FLAD1: variants seen among roughly 807,000 people sequenced by gnomAD.
FLAD1 encodes the protein bifunctional FAD diphosphatase/FAD synthase.
A neutral mutation model predicts 55.0 loss-of-function variants in FLAD1; 35 were observed. The observed-to-expected ratio is 0.64, with a 90% CI of 0.49 to 0.84. The LOEUF is 0.84. Ranked by LOEUF, FLAD1 falls within the 40% of genes least tolerant of loss-of-function variation. The pLI is 0.00. For missense variants in FLAD1, 665 were observed against 742.6 expected, an observed-to-expected ratio of 0.90 and a Z score of 1.21; for synonymous variants, 267 against 303.0, an observed-to-expected ratio of 0.88 and a Z score of 1.23.
chr1:154,983,978 G>A lies in FLAD1; in HGVS notation c.284G>A (p.Gly95Asp). 1 of 1,552,862 alleles carries A rather than the reference G, an allele frequency of 6.4e-7. No individual in the cohort carries two copies. Among genetic ancestry groups the A allele is most frequent in the Non-Finnish European group, 8.7e-7 (1 of 1,150,808 alleles). Reference sequence around the variant, plus strand: ...AGGGCCTTGCAGAGGGGCAGAGAAGGCAGGACCATGACATCTAGGGCCTCT... The same window carrying A: ...AGGGCCTTGCAGAGGGGCAGAGAAGACAGGACCATGACATCTAGGGCCTCT... ...YWRALQRGRE[G>D]RTMTSRASEL... The change falls in exon 1 of 7, where the codon GGC becomes GAC. Residue 95 changes from glycine (G) to aspartate (D), a missense_variant. By Grantham distance (94) the Gly-to-Asp change is moderately conservative (BLOSUM62 -1). Transcript: ENST00000292180.
At chr1:154,985,046 T>A (rs1657509511) in intron 1 of FLAD1, among the ~76,000 whole-genome samples, 2 of 139,650 alleles carry the variant, frequency 1.4e-5, no homozygotes, top group African/African-American at 5.4e-5. Context: ...TTTTTTTTTT[T>A]TTTTTTTTTT....
At chr1:154,992,000 G>A (rs909546730) in intron 5 of FLAD1, among the ~76,000 whole-genome samples, 4 of 151,692 alleles carry the variant, frequency 2.6e-5, no homozygotes, top group South Asian at 4.2e-4. Flanking sequence ...AAAATTAGCC[G>A]GCTGTGGTGG....
At position 154,983,798 on chromosome 1, in the gene FLAD1, C is replaced by T. The variant is rs370863079; in HGVS notation, c.104C>T (p.Thr35Met). The T allele has an allele frequency of 1.9e-6, 3 of 1,614,056 alleles. No individual in the cohort carries two copies. Among genetic ancestry groups the T allele is most frequent in the East Asian group, 2.2e-5 (1 of 44,898 alleles). Residue 35 changes from threonine (T) to methionine (M), a missense_variant, in exon 1 of 7, where the codon ACG becomes ATG. Physicochemically the swap from Thr to Met is moderately conservative, Grantham distance 81. Coordinates refer to ENST00000292180, the MANE Select transcript of FLAD1 (RefSeq NM_025207.5). ...ACTAGGGTCTTCCTCGAAGGAAGCA[C>T]GCGCACGCCTGCTCTCCCCCATTGT... is the stretch of plus-strand genomic sequence containing the variant. ...EKTRVFLEGS[T>M]RTPALPHCLF...
At chr1:154,984,370 A>G (rs938503738) in intron 1 of FLAD1, among the ~76,000 whole-genome samples, 2 of 152,082 alleles carry the variant, frequency 1.3e-5, no homozygotes, top group African/African-American at 4.8e-5. Flanking sequence ...CTACACAACA[A>G]TGACAGGAAG....
chr1:154,989,570 G>T lies in FLAD1; in HGVS notation c.1128G>T (p.Leu376Phe). 1 of 1,577,794 alleles carries T rather than the reference G, an allele frequency of 6.3e-7. No homozygotes were observed. Among genetic ancestry groups the T allele is most frequent in the Middle Eastern group, 1.7e-4 (1 of 5,892 alleles). ...CTGCCTGCTTGGCAGGGTCTTCTTT[G>T]GGGAAAAAGGTGGCAGGTGCCCTAC... is the stretch of plus-strand genomic sequence containing the variant. ...VYKLAESGSS[L>F]GKKVAGALQT... The change falls in exon 3 of 7, where the codon TTG (leucine) becomes TTT (phenylalanine). Residue 376 changes from leucine (L) to phenylalanine (F), a missense_variant. By Grantham distance (22) the Leu-to-Phe change is conservative (BLOSUM62 0). Transcript: ENST00000292180.
chr1:154,991,225 A>AAATAT (rs1553254618), intron 5 of FLAD1: 2 of 83,162 alleles, frequency 2.4e-5, no homozygotes, highest in African/African-American at 1.1e-4. Flanking sequence ...AAAAAAAAAA[A>AAATAT]ATATATATAT....
At position 154,990,257 on chromosome 1, in the gene FLAD1, G is replaced by A. The variant is rs769980150; in HGVS notation, c.1364G>A (p.Arg455Lys). 2 of 1,613,862 alleles carry A rather than the reference G, an allele frequency of 1.2e-6. No individual in the cohort carries two copies. Among genetic ancestry groups the A allele is most frequent in the Non-Finnish European group, 1.7e-6 (2 of 1,179,746 alleles). ...CAGTTTCTACAGGACACTATCAAGA[G>A]GTACTAGGGGCCTGGAGGTTTGGGC... ...LEQFLQDTIK[R>K]YNLQMLEAEG... The change falls in exon 4 of 7, where the codon AGG becomes AAG. Residue 455 changes from arginine to lysine, a missense_variant and splice_region_variant. Coordinates refer to ENST00000292180, the MANE Select transcript of FLAD1 (RefSeq NM_025207.5).
chr1:154,987,951 C>G, intron 1 of FLAD1, 154 bp from the exon 2 acceptor site: 2 of 1,509,852 alleles, frequency 1.3e-6, no homozygotes, highest in Non-Finnish European at 1.8e-6. Context: ...TGGATTTTCC[C>G]ACTCTTGTGT....
chr1:154,989,698 C>A lies in FLAD1; in HGVS notation c.1256C>A (p.Ala419Asp). 2 of 1,547,768 alleles carry A rather than the reference C, an allele frequency of 1.3e-6. No homozygotes were observed. The highest frequency in any genetic ancestry group is 1.7e-6 in the Non-Finnish European group (2 of 1,144,612). ...GCCCTCCTGCACCTCTTCCATGCAG[C>A]TGTGCAGAGGTGAGCCTGCCCCCGG... ...CTALLHLFHAAVQRKLPDVPN... is the reference protein window; with the variant it reads ...CTALLHLFHADVQRKLPDVPN... The change falls in exon 3 of 7, where the codon GCT becomes GAT. Residue 419 changes from alanine to aspartate, a missense_variant. Transcript: ENST00000292180.
At position 154,993,032 on chromosome 1, in the gene FLAD1, A is replaced by G; in HGVS notation, c.1759A>G (p.Thr587Ala). ...CGAAGAAGAGGAGCGGAACTCCCGC[A>G]CATGACCTCCCACCCTAGGAGGGAG... ...ENEEEERNSR[T>A] The change falls in exon 7 of 7, where the codon ACA becomes GCA. Residue 587 changes from threonine to alanine, a missense_variant. Physicochemically the swap from Thr to Ala is moderately conservative, Grantham distance 58 (BLOSUM62 0). Coordinates refer to ENST00000292180, the MANE Select transcript of FLAD1 (RefSeq NM_025207.5). 2 of 1,614,010 alleles carry G rather than the reference A, an allele frequency of 1.2e-6. No individual in the cohort carries two copies. Among genetic ancestry groups the G allele is most frequent in the Non-Finnish European group, 1.7e-6 (2 of 1,179,912 alleles).
At position 154,983,924 on chromosome 1, in the gene FLAD1, C is replaced by T. The variant is rs1657443449; in HGVS notation, c.230C>T (p.Pro77Leu). 25 of 1,610,854 alleles carry T rather than the reference C, an allele frequency of 1.6e-5. No homozygotes were observed. Among genetic ancestry groups the T allele is most frequent in the Non-Finnish European group, 2.0e-5 (23 of 1,178,070 alleles). ...VDLAGPPCLR[P>L]LFGGLGGYWR... ...CTGGCAGGCCCCCCGTGCTTGCGAC[C>T]CCTATTTGGGGGTCTGGGTGGCTAC... The change falls in exon 1 of 7, where the codon CCC becomes CTC. Residue 77 changes from proline to leucine, a missense_variant. Physicochemically the swap from Pro to Leu is moderately conservative, Grantham distance 98. Coordinates refer to ENST00000292180, the MANE Select transcript of FLAD1 (RefSeq NM_025207.5).
chr1:154,989,599 C>T lies in FLAD1; in HGVS notation c.1157C>T (p.Thr386Ile), dbSNP rs769162563. ...AAAAAGGTGGCAGGTGCCCTACAGA[C>T]CATTGAGACCTCCCTGGCTCAGTAC... ...LGKKVAGALQTIETSLAQYSL... is the reference protein window; with the variant it reads ...LGKKVAGALQIIETSLAQYSL... The change falls in exon 3 of 7, where the codon ACC becomes ATC. Residue 386 changes from threonine to isoleucine, a missense_variant. Physicochemically the swap from Thr to Ile is moderately conservative, Grantham distance 89 (BLOSUM62 -1). Transcript: ENST00000292180. The T allele has an allele frequency of 5.6e-6, 9 of 1,601,668 alleles. No individual in the cohort carries two copies. The African/African-American group carries it at 1.1e-4, about 19-fold the overall frequency.
chr1:154,989,156 A>T, intron 2 of FLAD1: 1 of 627,912 alleles, frequency 1.6e-6, no homozygotes, highest in Admixed American at 3.1e-5. Flanking sequence ...GTGATCTCCC[A>T]CAGCAGGGAG....
chr1:154,991,422 G>A (rs139637379), intron 5 of FLAD1, among the ~76,000 whole-genome samples: 4,831 of 151,012 alleles, frequency 0.032, 246 homozygotes, highest in African/African-American at 0.11. Flanking sequence ...GAGCGTGGTG[G>A]CAGGCACCTG....
chr1:154,986,391 T>A (rs1200559983), intron 1 of FLAD1, among the ~76,000 whole-genome samples: 1 of 152,118 alleles, frequency 6.6e-6, no homozygotes, highest in East Asian at 1.9e-4. Context: ...TAATTTTTTG[T>A]ATTTTTAGTA....
chr1:154,987,184 C>T lies in FLAD1; in HGVS notation c.373-921C>T, dbSNP rs182807634. Reference sequence around the variant, plus strand: ...CTGGGACTACAGGCATGCGCCACCACGCCCCGCTAATTTTTGTATTTTTTT... The same window carrying T: ...CTGGGACTACAGGCATGCGCCACCATGCCCCGCTAATTTTTGTATTTTTTT... On this transcript the variant is annotated intron_variant, in intron 1 of 6. Transcript: ENST00000292180. 2.8e-3 allele frequency among the ~76,000 whole-genome samples: 420 copies of T among 152,140 alleles called. 2 individuals are homozygous for T. The highest frequency in any genetic ancestry group is 7.9e-3 in the Admixed American group (121 of 15,268).
At chr1:154,984,148 G>A (rs1657457738) in intron 1 of FLAD1, 82 bp downstream of exon 1, 5 of 1,261,676 alleles carry the variant, frequency 4.0e-6, no homozygotes, top group Non-Finnish European at 5.2e-6. Context: ...CATGGAAGGA[G>A]GTGAAACAGG....
Position 154,993,073 on chromosome 1 carries a change from T to G in FLAD1, c.*36T>G. The G allele has an allele frequency of 6.3e-7, 1 of 1,599,512 alleles. No individual in the cohort carries two copies. Among genetic ancestry groups the G allele is most frequent in the South Asian group, 1.1e-5 (1 of 90,744 alleles). ...TAGGAGGGAGGGAAGGACACCGTCC[T>G]AGGGTATAACCTGGCAATAAACCGT... On this transcript the variant is annotated 3_prime_UTR_variant, in exon 7 of 7. Transcript: ENST00000292180.
At chr1:154,989,880 A>G (rs1657787336) in intron 3 of FLAD1, among the ~76,000 whole-genome samples, 173 bp downstream of exon 3, 1 of 152,170 alleles carries the variant, frequency 6.6e-6, no homozygotes, top group Admixed American at 6.5e-5. Context: ...GGCCTTGTGT[A>G]TGGATGTGCA....
Sources: allele counts gnomAD v4.1 joint callset (sites outside exome capture counted in the v4.1 genomes callset), GRCh38; gene constraint gnomAD v4.1.1; transcripts MANE v1.5; gene names NCBI Gene and HGNC (gene_info 2026-07-23, HGNC 2026-07-21).